Variants in CTNNA3 observed in about 807,000 individuals in gnomAD.
CTNNA3 encodes the protein catenin alpha-3.
A neutral mutation model predicts 95.7 loss-of-function variants in CTNNA3; 76 were observed. The ratio of observed to expected loss-of-function variants is 0.79; its 90% CI spans 0.66 to 0.96. The LOEUF (loss-of-function observed/expected upper bound fraction) is 0.96. Ranked by LOEUF, CTNNA3 falls within the 40% of genes least tolerant of loss-of-function variation. The pLI is 0.00. For missense variants in CTNNA3, 1,191 were observed against 1,089.8 expected (o/e 1.09, Z -1.31); for synonymous variants, 431 against 374.4 (o/e 1.15, Z -1.74).
intron 7 of CTNNA3, among the ~76,000 whole-genome samples, chr10:67,155,345 A>G (rs1861262208): frequency 6.6e-6 from 1 of 152,158 alleles, no homozygotes; most frequent in African/African-American, 2.4e-5. Flanking sequence ...TTTACCTTTA[A>G]AGTTAGCATT....
intron 9 of CTNNA3, among the ~76,000 whole-genome samples, chr10:66,671,536 C>T (rs1390771538): frequency 6.6e-6 from 1 of 152,062 alleles, no homozygotes; most frequent in Non-Finnish European, 1.5e-5. Context: ...ATGAAAATGG[C>T]CGATTTTAAA....
At chr10:66,045,832 T>C (rs2079817338) in intron 15 of CTNNA3, among the ~76,000 whole-genome samples, 1 of 152,210 alleles carries the variant, frequency 6.6e-6, no homozygotes, top group Non-Finnish European at 1.5e-5. Flanking sequence ...AGCTGTATTC[T>C]TCATAGATAA....
upstream of CTNNA3, among the ~76,000 whole-genome samples, chr10:67,698,141 C>T (rs890207271): frequency 1.3e-5 from 2 of 152,084 alleles, no homozygotes; most frequent in Non-Finnish European, 2.9e-5. Flanking sequence ...ATTCTCCTTC[C>T]CTATTTACTT....
At chr10:67,595,388 T>C (rs1842908391) in intron 3 of CTNNA3, among the ~76,000 whole-genome samples, 1 of 152,216 alleles carries the variant, frequency 6.6e-6, no homozygotes. Flanking sequence ...AATTTTATTG[T>C]TTACCCAAAA....
intron 13 of CTNNA3, among the ~76,000 whole-genome samples, chr10:66,240,731 T>C (rs10996996): frequency 0.21 from 32,518 of 151,924 alleles, 3,670 homozygotes; most frequent in South Asian, 0.29. Flanking sequence ...AGAAAATCTT[T>C]GATAACAAAG....
rs146708017 is a variant in CTNNA3, at chr10:67,369,566, T to A, written c.580-149696A>T. Among the ~76,000 whole-genome samples, 288 of 152,090 alleles carry A rather than the reference T, an allele frequency of 1.9e-3. 2 individuals carry two copies. Among genetic ancestry groups the A allele is most frequent in the African/African-American group, 6.7e-3 (278 of 41,478 alleles). On this transcript the variant is annotated intron_variant, in intron 5 of 17. Coordinates refer to ENST00000433211, the MANE Select transcript of CTNNA3 (RefSeq NM_013266.4). The stretch of plus-strand genomic sequence containing the variant: ...CATAAGCAAATTCAAAAGACAACAA[T>A]CTGGAAAAAGTGTAATTGCAAGTCA...
chr10:65,964,475 T>C (rs1340550741), intron 17 of CTNNA3, among the ~76,000 whole-genome samples: 1 of 152,194 alleles, frequency 6.6e-6, no homozygotes, highest in African/African-American at 2.4e-5. Flanking sequence ...GCCTAATTTA[T>C]CTGTAATATA....
chr10:66,978,552 A>AAAAAAAATATATATATAT, intron 7 of CTNNA3, among the ~76,000 whole-genome samples: 6 of 37,882 alleles, frequency 1.6e-4, no homozygotes, highest in Admixed American at 9.7e-4. Context: ...AAAAAAAAAA[A>AAAAAAAATATATATATAT]ATATATATAT....
chr10:66,845,706 A>AAAAAAAAAAAAAC lies in CTNNA3; in HGVS notation c.1048-70183_1048-70182insGTTTTTTTTTTTT, dbSNP rs1564719695. Among the ~76,000 whole-genome samples, 108 of 91,792 alleles carry AAAAAAAAAAAAAC rather than the reference A, an allele frequency of 1.2e-3. 2 individuals carry two copies. The highest frequency in any genetic ancestry group is 1.9e-3 in the African/African-American group (28 of 15,110). The allele number at this position is 91,792 out of a possible 152,430, so 60.2% of individuals were successfully genotyped here. ...TAACAACAGCAAAACTCTGTCTCAA[A>AAAAAAAAAAAAAC]AAAAAAAAAAAAAAAAAAAAAAACT... On this transcript the variant is annotated intron_variant, in intron 7 of 17. Transcript: ENST00000433211.
intron 5 of CTNNA3, among the ~76,000 whole-genome samples, chr10:67,370,609 C>A (rs1410907916): frequency 1.3e-5 from 2 of 152,008 alleles, no homozygotes; most frequent in Non-Finnish European, 2.9e-5. Flanking sequence ...GTTAATTTCC[C>A]TTCATGGTTC....
At chr10:66,816,822 G>A (rs1842107862) in intron 7 of CTNNA3, among the ~76,000 whole-genome samples, 2 of 151,990 alleles carry the variant, frequency 1.3e-5, no homozygotes, top group Non-Finnish European at 2.9e-5. Context: ...ATAATATAAA[G>A]TACGTCCTCC....
At chr10:66,016,657 A>T (rs752718619) in intron 15 of CTNNA3, among the ~76,000 whole-genome samples, 3 of 152,282 alleles carry the variant, frequency 2.0e-5, no homozygotes, top group Middle Eastern at 6.8e-3. Context: ...AGGAAAAAAA[A>T]TCTTTAACTT....
intron 13 of CTNNA3, among the ~76,000 whole-genome samples, chr10:66,221,910 G>C (rs2088950793): frequency 6.6e-6 from 1 of 152,152 alleles, no homozygotes; most frequent in Admixed American, 6.5e-5. Context: ...GGAAGTAATT[G>C]AGTTGCATTT....
intron 7 of CTNNA3, among the ~76,000 whole-genome samples, chr10:67,146,502 A>T (rs1323534071): frequency 6.6e-6 from 1 of 152,218 alleles, no homozygotes; most frequent in Non-Finnish European, 1.5e-5. Flanking sequence ...CACACATATT[A>T]TAGCACTCAC....
intron 13 of CTNNA3, among the ~76,000 whole-genome samples, chr10:66,193,866 G>A (rs375478309): frequency 1.2e-4 from 18 of 151,990 alleles, no homozygotes; most frequent in East Asian, 3.9e-4. Context: ...TAAGAATTAC[G>A]GGCACAGAAG....
Position 67,647,404 on chromosome 10 carries a change from G to A in CTNNA3, c.99+11C>T, listed in dbSNP as rs115451937. On this transcript the variant is annotated intron_variant, in intron 2 of 17. Transcript: ENST00000433211. ...AGTTACTATATATCATAATTTCCAT[G>A]GTATTAATACCTGGATTATGAGAGG... 7.4e-4 allele frequency: 1,154 copies of A among 1,569,378 alleles called. 7 individuals carry two copies. The African/African-American group carries it at 0.014, about 19-fold the overall frequency.
chr10:67,729,276 T>C (rs556362203), intron 1 of CTNNA3, among the ~76,000 whole-genome samples: 1 of 152,214 alleles, frequency 6.6e-6, no homozygotes, highest in East Asian at 1.9e-4. Context: ...ACAATGATAA[T>C]CATCCAATGG....
chr10:66,140,961 A>G (rs2083584231), intron 13 of CTNNA3, among the ~76,000 whole-genome samples: 1 of 152,160 alleles, frequency 6.6e-6, no homozygotes, highest in South Asian at 2.1e-4. Flanking sequence ...GAACATTTCA[A>G]TAGAAAATTT....
At chr10:67,387,605 C>T (rs532344540) in intron 5 of CTNNA3, among the ~76,000 whole-genome samples, 1,903 of 152,294 alleles carry the variant, frequency 0.012, 41 homozygotes, top group African/African-American at 0.042. Flanking sequence ...CCTCTGGGGG[C>T]AGGGCACAGA....
Sources: allele counts gnomAD v4.1 joint callset (sites outside exome capture counted in the v4.1 genomes callset), GRCh38; gene constraint gnomAD v4.1.1; transcripts MANE v1.5; gene names NCBI Gene and HGNC (gene_info 2026-07-23, HGNC 2026-07-21).